GSK3B: variants seen among roughly 807,000 people sequenced by gnomAD.
GSK3B encodes the protein glycogen synthase kinase 3 beta, also known as glycogen synthase kinase-3 beta.
GSK3B carries 15 observed loss-of-function variants against 56.4 expected under a neutral mutation model. The ratio of observed to expected loss-of-function variants is 0.27; its 90% confidence interval spans 0.18 to 0.41. GSK3B has a LOEUF of 0.41. GSK3B is among the 10% of genes least tolerant of loss of function. GSK3B has a pLI of 1.00. For missense variants in GSK3B, 300 were observed against 513.4 expected (o/e 0.58, Z 4.02); for synonymous variants, 181 against 188.9 (o/e 0.96, Z 0.34).
At position 119,821,934 on chromosome 3, in the gene GSK3B, A is replaced by C. The variant is rs2055415375; in HGVS notation, c.*4854T>G. 1 of 180,730 alleles carries C rather than the reference A, an allele frequency of 5.5e-6. No homozygotes were observed. The highest frequency in any genetic ancestry group is 6.3e-5 in the Admixed American group (1 of 15,962). The allele number at this position is 180,730 out of a possible 1,614,324, so 11.2% of individuals were successfully genotyped here. The stretch of plus-strand genomic sequence containing the variant: ...AGGAAGAGGGTTGGGTACTGAAATA[A>C]AGACCACACACTTGTGAATTTTAAT... On this transcript the variant is annotated 3_prime_UTR_variant, in exon 11 of 11. Transcript: ENST00000264235.
intron 5 of GSK3B, 56 bp from the exon 6 acceptor site, chr3:119,912,866 A>G (rs2056749099): frequency 4.9e-6 from 4 of 815,886 alleles, no homozygotes; most frequent in Non-Finnish European, 8.2e-6. Flanking sequence ...TAAACCTTAA[A>G]GAACTTAGAC....
intron 1 of GSK3B, among the ~76,000 whole-genome samples, chr3:120,006,677 C>T (rs987707429): frequency 2.6e-5 from 4 of 151,992 alleles, no homozygotes; most frequent in Non-Finnish European, 5.9e-5. Flanking sequence ...TGGTAAATAA[C>T]GAAATTAAGA....
intron 1 of GSK3B, among the ~76,000 whole-genome samples, chr3:120,007,195 C>T (rs750380625): frequency 2.0e-5 from 3 of 152,156 alleles, no homozygotes; most frequent in Non-Finnish European, 4.4e-5. Flanking sequence ...CACATACACC[C>T]TCCCAAGACT....
intron 1 of GSK3B, among the ~76,000 whole-genome samples, chr3:120,080,502 A>T (rs2058410077): frequency 1.3e-5 from 2 of 152,116 alleles, no homozygotes; most frequent in Non-Finnish European, 2.9e-5. Context: ...CAAACAAACA[A>T]ACATCATCTT....
intron 1 of GSK3B, among the ~76,000 whole-genome samples, chr3:120,003,068 G>A (rs2057693902): frequency 6.6e-6 from 1 of 152,212 alleles, no homozygotes; most frequent in Admixed American, 6.5e-5. Context: ...ACCTCTCAGA[G>A]AAAGCTCAGG....
At chr3:120,038,365 G>A (rs1559886613) in intron 1 of GSK3B, among the ~76,000 whole-genome samples, 1 of 152,162 alleles carries the variant, frequency 6.6e-6, no homozygotes, top group African/African-American at 2.4e-5. Flanking sequence ...AAGCGTTCAA[G>A]ACCAACCTGG....
At chr3:119,893,445 C>G (rs549550476) in intron 7 of GSK3B, among the ~76,000 whole-genome samples, 51 of 152,236 alleles carry the variant, frequency 3.4e-4, no homozygotes, top group Non-Finnish European at 6.3e-4. Context: ...ATATTTCTCT[C>G]TCAGGGTTTC....
chr3:119,832,443 T>C (rs932800591), intron 10 of GSK3B, among the ~76,000 whole-genome samples: 3 of 152,244 alleles, frequency 2.0e-5, no homozygotes, highest in Non-Finnish European at 4.4e-5. Context: ...TGTTTACTCT[T>C]GTTTTAAATA....
At chr3:119,868,925 T>C (rs752116594) in intron 8 of GSK3B, among the ~76,000 whole-genome samples, 1 of 152,168 alleles carries the variant, frequency 6.6e-6, no homozygotes, top group Non-Finnish European at 1.5e-5. Context: ...GACAATGCCA[T>C]GGATTGTTGA....
At chr3:119,960,041 T>C (rs1362960804) in intron 2 of GSK3B, among the ~76,000 whole-genome samples, 1 of 145,924 alleles carries the variant, frequency 6.9e-6, no homozygotes, top group East Asian at 2.0e-4. Context: ...ACTGGGTGAA[T>C]AAACAAACTG....
chr3:119,837,932 T>C (rs905273082), intron 10 of GSK3B, among the ~76,000 whole-genome samples: 25 of 106,324 alleles, frequency 2.4e-4, no homozygotes, highest in Admixed American at 1.1e-3. Context: ...ATTTCCTACG[T>C]TGACCATTCA....
At chr3:119,994,204 C>T (rs751734577) in intron 2 of GSK3B, among the ~76,000 whole-genome samples, 5 of 151,942 alleles carry the variant, frequency 3.3e-5, no homozygotes, top group Admixed American at 2.0e-4. Context: ...AAGATTATAA[C>T]CCATTTAATA....
At chr3:120,038,836 A>G (rs2058043054) in intron 1 of GSK3B, among the ~76,000 whole-genome samples, 1 of 151,782 alleles carries the variant, frequency 6.6e-6, no homozygotes, top group African/African-American at 2.4e-5. Flanking sequence ...AAAAAAATGG[A>G]AAAGTGGGCT....
rs1351857693 is a variant in GSK3B, at chr3:119,825,173, T to C, written c.*1615A>G. ...CAACTGATTGTGCCTTAAAGATTCA[T>C]AGGTCAAGTAATGGCCCATAAGCAC... On this transcript the variant is annotated 3_prime_UTR_variant, in exon 11 of 11. Coordinates refer to ENST00000264235, the MANE Select transcript of GSK3B (RefSeq NM_001146156.2). 6 of 220,662 alleles carry C rather than the reference T, an allele frequency of 2.7e-5. No homozygotes were observed. Among genetic ancestry groups the C allele is most frequent in the Non-Finnish European group, 5.4e-5 (6 of 110,116 alleles). The allele number at this position is 220,662 out of a possible 1,614,324, so 13.7% of individuals were successfully genotyped here. A position where few individuals can be genotyped will look rare whatever the true frequency, so the allele number is the denominator to read the frequency against.
intron 7 of GSK3B, among the ~76,000 whole-genome samples, chr3:119,902,439 C>T (rs79164020): frequency 0.1 from 15,851 of 152,056 alleles, 942 homozygotes; most frequent in African/African-American, 0.17. Context: ...CTGACTCTGC[C>T]GCCCAGGCTA....
intron 1 of GSK3B, among the ~76,000 whole-genome samples, chr3:120,003,472 T>C (rs1225216418): frequency 6.6e-6 from 1 of 152,230 alleles, no homozygotes; most frequent in Non-Finnish European, 1.5e-5. Flanking sequence ...CTCAGTACAA[T>C]ATAAGTCCTT....
Position 120,093,879 on chromosome 3 carries a change from A to C in GSK3B, c.-445T>G, listed in dbSNP as rs200882963. The C allele has an allele frequency of 4.6e-5, 8 of 173,640 alleles. No individual in the cohort carries two copies. In the East Asian group the frequency reaches 8.4e-4, roughly 18 times the overall value. The allele number at this position is 173,640 out of a possible 1,614,324, so 10.8% of individuals were successfully genotyped here. A position where few individuals can be genotyped will look rare whatever the true frequency, so the allele number is the denominator to read the frequency against. ...GAAGGATCACGAGTCTCACGCTTGA[A>C]GAGAAAGGGGGATGGGTAGGAGGGA... is the stretch of plus-strand genomic sequence containing the variant. On this transcript the variant is annotated 5_prime_UTR_variant, in exon 1 of 11. Transcript: ENST00000264235.
intron 1 of GSK3B, among the ~76,000 whole-genome samples, chr3:120,003,159 T>C (rs1409717458): frequency 1.3e-5 from 2 of 152,200 alleles, no homozygotes; most frequent in Admixed American, 6.5e-5. Context: ...GGCCCAATTA[T>C]ATAAGCATAT....
chr3:119,968,952 C>T (rs2057342649), intron 2 of GSK3B, among the ~76,000 whole-genome samples: 1 of 152,060 alleles, frequency 6.6e-6, no homozygotes, highest in South Asian at 2.1e-4. Flanking sequence ...TAAGCACCCG[C>T]AAAAATGAAA....
Sources: allele counts gnomAD v4.1 joint callset (sites outside exome capture counted in the v4.1 genomes callset), GRCh38; gene constraint gnomAD v4.1.1; transcripts MANE v1.5; gene names NCBI Gene and HGNC (gene_info 2026-07-23, HGNC 2026-07-21).